Variants in GOLGB1 observed in about 807,000 individuals in gnomAD.
GOLGB1 encodes the protein golgin subfamily B member 1.
GOLGB1 carries 174 observed loss-of-function variants against 336.9 expected under a neutral mutation model. The observed-to-expected ratio is 0.52, with a 90% confidence interval of 0.46 to 0.59. The LOEUF (loss-of-function observed/expected upper bound fraction) is 0.59. Among genes scored for constraint, GOLGB1 ranks in the 20% least tolerant of loss-of-function variants. GOLGB1 has a pLI of 0.00. For synonymous variants in GOLGB1, 1,208 were observed against 1,289.2 expected (o/e 0.94, Z 1.35); for missense variants, 3,331 against 3,645.3 (o/e 0.91, Z 2.22).
At chr3:121,724,685 G>C (rs1048310247) in intron 5 of GOLGB1, among the ~76,000 whole-genome samples, 1 of 152,142 alleles carries the variant, frequency 6.6e-6, no homozygotes, top group Non-Finnish European at 1.5e-5. Flanking sequence ...CGGCTAAAAG[G>C]GAGCCAGTTT....
intron 1 of GOLGB1, among the ~76,000 whole-genome samples, chr3:121,732,355 C>T (rs1376956151): frequency 1.3e-5 from 2 of 152,092 alleles, no homozygotes; most frequent in Non-Finnish European, 2.9e-5. Context: ...GAAGGAACAC[C>T]TTCTAACTTA....
intron 14 of GOLGB1, among the ~76,000 whole-genome samples, chr3:121,690,072 G>T (rs1287110432): frequency 6.6e-6 from 1 of 152,178 alleles, no homozygotes; most frequent in African/African-American, 2.4e-5. Context: ...GAAATGTTGG[G>T]TATTAAAAGG....
At chr3:121,703,020 C>G (rs1030356199) in intron 10 of GOLGB1, among the ~76,000 whole-genome samples, 4 of 152,172 alleles carry the variant, frequency 2.6e-5, no homozygotes, top group African/African-American at 7.2e-5. Context: ...GGAATATGTA[C>G]CTCTTAAGAA....
Position 121,691,897 on chromosome 3 carries a change from T to C in GOLGB1, c.7467A>G (p.Glu2489=), listed in dbSNP as rs1241288779. 3 of 1,613,920 alleles carry C rather than the reference T, an allele frequency of 1.9e-6. No homozygotes were observed. Among genetic ancestry groups the C allele is most frequent in the African/African-American group, 1.3e-5 (1 of 74,932 alleles). ...CCAAGATTATAGAGAGATGTCGCTC[T>C]TCCAGCTGTTGATAGTCACCCACTA... ...DRIVGDYQQL[E]ERHLSIILEK... is the part of the protein sequence containing the mutation. The change falls in exon 14 of 22, where the codon GAA becomes GAG. Residue 2489 remains glutamate (E), a synonymous_variant. Coordinates refer to ENST00000614479, the MANE Select transcript of GOLGB1 (RefSeq NM_001366282.2).
chr3:121,698,959 A>T, intron 12 of GOLGB1, 30 bp from the exon 13 acceptor site: 1 of 1,462,588 alleles, frequency 6.8e-7, no homozygotes, highest in Non-Finnish European at 9.1e-7. Flanking sequence ...AAAAAGCTGT[A>T]ATCAAATGTT....
At chr3:121,740,029 G>A (rs1946742059) in intron 1 of GOLGB1, among the ~76,000 whole-genome samples, 1 of 152,168 alleles carries the variant, frequency 6.6e-6, no homozygotes, top group Admixed American at 6.6e-5. Context: ...AGAAATGGAG[G>A]AAAGATGAGT....
chr3:121,714,557 T>C (rs1017202931), intron 10 of GOLGB1, among the ~76,000 whole-genome samples: 1 of 151,662 alleles, frequency 6.6e-6, no homozygotes, highest in South Asian at 2.1e-4. Flanking sequence ...ACTGGGAAAA[T>C]TAACTACAGA....
At position 121,694,229 on chromosome 3, in the gene GOLGB1, C is replaced by A. The variant is rs771458688; in HGVS notation, c.6294G>T (p.Arg2098Ser). 2 of 1,611,106 alleles carry A rather than the reference C, an allele frequency of 1.2e-6. No homozygotes were observed. The highest frequency in any genetic ancestry group is 3.3e-5 in the Admixed American group (2 of 59,996). The change falls in exon 13 of 22, where the codon AGG becomes AGT. Residue 2098 changes from arginine (R) to serine (S), a missense_variant. By Grantham distance (110) the Arg-to-Ser change is moderately radical. Coordinates refer to ENST00000614479, the MANE Select transcript of GOLGB1 (RefSeq NM_001366282.2). ...TCAACTTGAGATTGTCTGCTAGGAC[C>A]CTTGCTGCTTCACTTTGAGTGTCAT... ...LLDDTQSEAA[R>S]VLADNLKLKK...
At chr3:121,708,824 A>G (rs1944104249) in intron 10 of GOLGB1, among the ~76,000 whole-genome samples, 1 of 152,182 alleles carries the variant, frequency 6.6e-6, no homozygotes, top group Admixed American at 6.5e-5. Flanking sequence ...GAAGAAGGGA[A>G]AACAGAGGGG....
rs116030179 is a variant in GOLGB1 at position 121,691,162 on chromosome 3, G to A, written c.8202C>T (p.Leu2734=). 57 of 1,613,646 alleles carry A rather than the reference G, an allele frequency of 3.5e-5. No individual in the cohort carries two copies. The East Asian group carries it at 5.3e-4, about 15-fold the overall frequency. ...LLMVTKENKG[L]TAQIQSFGRS... ...TTCCAAAAGACTGAATTTGTGCTGT[G>A]AGACCTTTATTTTCTTTGGTGACCA... The change falls in exon 14 of 22, where the codon CTC becomes CTT. Residue 2734 remains leucine, a synonymous_variant. Transcript: ENST00000614479.
rs983180439 is a variant in GOLGB1 at position 121,694,350 on chromosome 3, T to C, written c.6173A>G (p.Gln2058Arg). Residue 2058 changes from glutamine (Q) to arginine (R), a missense_variant, in exon 13 of 22, where the codon CAA (glutamine) becomes CGA (arginine). Coordinates refer to ENST00000614479, the MANE Select transcript of GOLGB1 (RefSeq NM_001366282.2). ...KALEFVQTES[Q>R]KDLEITKENL... ...TTCTTTGGTTATTTCCAAATCTTTT[T>C]GAGATTCAGTTTGAACAAATTCTAG... The C allele has an allele frequency of 8.7e-6, 14 of 1,612,110 alleles. No individual in the cohort carries two copies. The highest frequency in any genetic ancestry group is 1.2e-5 in the Non-Finnish European group (14 of 1,179,360).
rs752512354 is a variant in GOLGB1 at position 121,690,772 on chromosome 3, C to T, written c.8592G>A (p.Glu2864=). 3 of 1,592,776 alleles carry T rather than the reference C, an allele frequency of 1.9e-6. No homozygotes were observed. The highest frequency in any genetic ancestry group is 1.7e-5 in the Admixed American group (1 of 57,210). ...GAGCTGCAGACCTCTGCTTCCCTTC[C>T]TCTGACTTTCGAAATTTCTCCAGCT... ...WNELEKFRKS[E]EGKQRSAAQP... is the part of the protein sequence containing the mutation. Residue 2864 remains glutamate, a synonymous_variant, in exon 14 of 22, where the codon GAG becomes GAA. Coordinates refer to ENST00000614479, the MANE Select transcript of GOLGB1 (RefSeq NM_001366282.2).
chr3:121,733,790 C>T (rs1032801153), intron 1 of GOLGB1, among the ~76,000 whole-genome samples: 5 of 152,034 alleles, frequency 3.3e-5, no homozygotes, highest in African/African-American at 9.7e-5. Flanking sequence ...GGTACAAATG[C>T]AATTAAGTTG....
At chr3:121,715,418 T>C (rs1349677068) in intron 9 of GOLGB1, among the ~76,000 whole-genome samples, 4 of 147,552 alleles carry the variant, frequency 2.7e-5, no homozygotes, top group East Asian at 2.0e-4. Flanking sequence ...AGTTTCACCA[T>C]GTTGGCCAGG....
rs1943185291 is a variant in GOLGB1, at chr3:121,699,061, C to T, written c.1594-132G>A. The stretch of plus-strand genomic sequence containing the variant: ...GGTCAAAACCTTCTTTGTACCATAA[C>T]ACTGCTAAATCCTTTTAAAATCAGT... On this transcript the variant is annotated intron_variant, in intron 12 of 21. Coordinates refer to ENST00000614479, the MANE Select transcript of GOLGB1 (RefSeq NM_001366282.2). 3 of 639,594 alleles carry T rather than the reference C, an allele frequency of 4.7e-6. No individual in the cohort carries two copies. In the East Asian group the frequency reaches 8.6e-5, roughly 18 times the overall value. 39.6% of individuals were successfully genotyped at this position (639,594 alleles called of 1,614,324 possible).
At chr3:121,707,183 C>T (rs1943933224) in intron 10 of GOLGB1, among the ~76,000 whole-genome samples, 1 of 143,016 alleles carries the variant, frequency 7.0e-6, no homozygotes, top group African/African-American at 2.6e-5. Flanking sequence ...GTCAAGATTG[C>T]ACCACTGCCC....
In GOLGB1 at chr3:121,694,662, A is replaced by G. The variant is rs1942779416; in HGVS notation, c.5861T>C (p.Ile1954Thr). Residue 1954 changes from isoleucine to threonine, a missense_variant, in exon 13 of 22, where the codon ATA becomes ACA. By Grantham distance (89) the Ile-to-Thr change is moderately conservative. Transcript: ENST00000614479. Reference sequence around the variant, plus strand: ...TTCAGATTCCAATAGCTCATTTTTTATTTGGGCATCTGTAACATCCTGACA... The same window carrying G: ...TTCAGATTCCAATAGCTCATTTTTTGTTTGGGCATCTGTAACATCCTGACA... ...NYCQDVTDAQ[I>T]KNELLESEMK... is the part of the protein sequence containing the mutation. The G allele has an allele frequency of 6.2e-7, 1 of 1,610,946 alleles. No homozygotes were observed. The highest frequency in any genetic ancestry group is 1.3e-5 in the African/African-American group (1 of 74,888).
Position 121,692,590 on chromosome 3 carries a change from G to C in GOLGB1, c.6783-9C>G. The stretch of plus-strand genomic sequence containing the variant: ...GCTTGTCATGTTCAAGCCTGAAACA[G>C]AGAGAAGGTCATTAGTTACAGATTT... On this transcript the variant is annotated splice_polypyrimidine_tract_variant and intron_variant, in intron 13 of 21. Transcript: ENST00000614479. 6.7e-7 allele frequency: 1 copy of C among 1,499,318 alleles called. No homozygotes were observed. The highest frequency in any genetic ancestry group is 1.3e-5 in the South Asian group (1 of 79,002). 92.9% of individuals were successfully genotyped at this position (1,499,318 alleles called of 1,614,324 possible). A position where few individuals can be genotyped will look rare whatever the true frequency, so the allele number is the denominator to read the frequency against.
chr3:121,674,831 T>C (rs1940111073), intron 17 of GOLGB1, among the ~76,000 whole-genome samples: 1 of 147,546 alleles, frequency 6.8e-6, no homozygotes, highest in Non-Finnish European at 1.5e-5. Flanking sequence ...CTTTCTTTTT[T>C]TTTTTTTTTT....
Sources: gnomAD v4.1 joint callset for allele counts (sites outside exome capture counted in the v4.1 genomes callset) on GRCh38, gnomAD v4.1.1 for gene constraint, MANE v1.5 for transcripts, NCBI Gene and HGNC (gene_info 2026-07-23, HGNC 2026-07-21) for gene names.